ADGRB3: variants seen among roughly 807,000 people sequenced by gnomAD.
ADGRB3 encodes adhesion G protein-coupled receptor B3, also known as brain-specific angiogenesis inhibitor 3.
In ADGRB3, 37 loss-of-function variants were observed where a neutral mutation model predicts 193.4. The ratio of observed to expected loss-of-function variants is 0.19; its 90% CI spans 0.15 to 0.25. The LOEUF is 0.25. ADGRB3 is among the 10% of genes least tolerant of loss of function. ADGRB3 has a pLI of 1.00. For missense variants in ADGRB3, 1,637 were observed against 1,852.9 expected (o/e 0.88, Z 2.14); for synonymous variants, 690 against 644.2 (o/e 1.07, Z -1.08).
At chr6:69,357,423 A>T (rs1769358854) in intron 28 of ADGRB3, among the ~76,000 whole-genome samples, 1 of 152,046 alleles carries the variant, frequency 6.6e-6, no homozygotes, top group Admixed American at 6.6e-5. Context: ...TTAGCATACT[A>T]TCCATTTCCA....
At chr6:68,772,981 T>C (rs1766669357) in intron 3 of ADGRB3, among the ~76,000 whole-genome samples, 1 of 141,572 alleles carries the variant, frequency 7.1e-6, no homozygotes, top group Admixed American at 7.4e-5. Context: ...ACAGGCATGG[T>C]AGTACACGCC....
chr6:69,015,042 T>TTTAAATCTA lies in ADGRB3; in HGVS notation c.1998+939_1998+947dup, dbSNP rs562602099. Among the ~76,000 whole-genome samples the TTTAAATCTA allele has an allele frequency of 1.9e-3, 286 of 152,032 alleles. 4 individuals carry two copies. The highest frequency in any genetic ancestry group is 5.0e-3 in the Admixed American group (76 of 15,224). ...GAAAAAAAAACCCTTATTTTAATAC[T>TTTAAATCTA]TTAAATCTATTTTTTTCTACCAATT... On this transcript the variant is annotated intron_variant, in intron 12 of 31. Transcript: ENST00000370598.
intron 24 of ADGRB3, among the ~76,000 whole-genome samples, chr6:69,338,398 A>T (rs1297748334): frequency 6.6e-6 from 1 of 152,206 alleles, no homozygotes; most frequent in African/African-American, 2.4e-5. Flanking sequence ...TCAAAATATG[A>T]ATCTGTTGAG....
intron 24 of ADGRB3, among the ~76,000 whole-genome samples, chr6:69,333,613 T>A (rs1380986745): frequency 1.3e-5 from 2 of 151,688 alleles, no homozygotes; most frequent in Non-Finnish European, 2.9e-5. Flanking sequence ...TTAATTTTAC[T>A]GTTATTATAA....
intron 17 of ADGRB3, among the ~76,000 whole-genome samples, chr6:69,230,493 C>T (rs1766108991): frequency 6.6e-6 from 1 of 152,122 alleles, no homozygotes; most frequent in African/African-American, 2.4e-5. Flanking sequence ...ATCAATCAGA[C>T]ATGTGTACCA....
intron 3 of ADGRB3, among the ~76,000 whole-genome samples, chr6:68,835,499 A>C (rs893708601): frequency 6.6e-5 from 10 of 152,156 alleles, no homozygotes; most frequent in Non-Finnish European, 1.0e-4. Flanking sequence ...AACAGTCTAC[A>C]TGACTTATTA....
chr6:69,292,666 T>C (rs923986521), intron 20 of ADGRB3, among the ~76,000 whole-genome samples: 1 of 152,052 alleles, frequency 6.6e-6, no homozygotes, highest in African/African-American at 2.4e-5. Context: ...TAGGGAGATA[T>C]GAGGGAGGAA....
intron 3 of ADGRB3, among the ~76,000 whole-genome samples, chr6:68,777,088 T>C (rs1269717868): frequency 6.6e-6 from 1 of 152,138 alleles, no homozygotes; most frequent in East Asian, 1.9e-4. Flanking sequence ...GCTTCTGTGG[T>C]ATAATACAAT....
chr6:68,946,384 A>G (rs1043537519), intron 6 of ADGRB3, among the ~76,000 whole-genome samples: 18 of 152,122 alleles, frequency 1.2e-4, no homozygotes, highest in African/African-American at 4.3e-4. Flanking sequence ...AGAAGTATAT[A>G]TAGTCCCTGA....
intron 3 of ADGRB3, among the ~76,000 whole-genome samples, chr6:68,925,018 T>C (rs556918021): frequency 6.6e-5 from 10 of 152,060 alleles, no homozygotes; most frequent in Admixed American, 2.0e-4. Context: ...AATTAGTATA[T>C]TTATAATCAG....
At chr6:68,649,414 T>C (rs1270962219) in intron 3 of ADGRB3, among the ~76,000 whole-genome samples, 1 of 152,152 alleles carries the variant, frequency 6.6e-6, no homozygotes, top group Non-Finnish European at 1.5e-5. Context: ...TCATTAAAAT[T>C]ACCTGATATT....
intron 3 of ADGRB3, among the ~76,000 whole-genome samples, chr6:68,721,507 A>G (rs1481684513): frequency 1.3e-5 from 2 of 151,638 alleles, no homozygotes; most frequent in Non-Finnish European, 2.9e-5. Flanking sequence ...GGATAGTATT[A>G]GGAGATATAC....
chr6:69,127,909 T>TTG (rs376292399), intron 17 of ADGRB3, among the ~76,000 whole-genome samples: 60,550 of 150,426 alleles, frequency 0.4, 13,561 homozygotes, highest in East Asian at 0.82. Flanking sequence ...TTTTTTTGTT[T>TTG]TTTTTTTCTG....
intron 10 of ADGRB3, among the ~76,000 whole-genome samples, chr6:68,982,646 G>A (rs547729343): frequency 1.3e-5 from 2 of 152,224 alleles, no homozygotes; most frequent in Admixed American, 6.5e-5. Flanking sequence ...AGCTCTTAAA[G>A]GAAAGGGAAA....
intron 3 of ADGRB3, among the ~76,000 whole-genome samples, chr6:68,778,029 C>T (rs1766782674): frequency 6.6e-6 from 1 of 152,060 alleles, no homozygotes; most frequent in Non-Finnish European, 1.5e-5. Context: ...TAAAAGACTA[C>T]AAATGTTGAC....
At chr6:69,326,011 G>A (rs563568928) in intron 21 of ADGRB3, among the ~76,000 whole-genome samples, 43 of 152,046 alleles carry the variant, frequency 2.8e-4, no homozygotes, top group Non-Finnish European at 4.9e-4. Context: ...CTACCTGAGC[G>A]CGGGTGGACT....
At chr6:68,982,387 C>G (rs1250523457) in intron 10 of ADGRB3, among the ~76,000 whole-genome samples, 1 of 152,126 alleles carries the variant, frequency 6.6e-6, no homozygotes. Flanking sequence ...GGAAATTGAT[C>G]TGGGTCAGGG....
intron 3 of ADGRB3, among the ~76,000 whole-genome samples, chr6:68,708,134 T>C (rs1399785537): frequency 6.6e-6 from 1 of 152,216 alleles, no homozygotes; most frequent in East Asian, 1.9e-4. Flanking sequence ...TTTTTGTATT[T>C]GAGCCAGGGC....
At chr6:69,169,181 A>G (rs1452398398) in intron 17 of ADGRB3, among the ~76,000 whole-genome samples, 4 of 152,146 alleles carry the variant, frequency 2.6e-5, no homozygotes, top group African/African-American at 7.2e-5. Flanking sequence ...TATCACATTG[A>G]CAGATGGATT....
Sources: allele counts gnomAD v4.1 joint callset (sites outside exome capture counted in the v4.1 genomes callset), GRCh38; gene constraint gnomAD v4.1.1; transcripts MANE v1.5; gene names NCBI Gene and HGNC (gene_info 2026-07-23, HGNC 2026-07-21).